Variants in SEMA3A observed in about 807,000 individuals in gnomAD.
SEMA3A encodes semaphorin 3A, also known as semaphorin-3A.
A neutral mutation model predicts 97.9 loss-of-function variants in SEMA3A; 29 were observed. That is an observed-to-expected ratio of 0.30 (90% CI 0.22 to 0.40). SEMA3A has a LOEUF of 0.40. SEMA3A is among the 10% of genes least tolerant of loss of function. The pLI, the probability that SEMA3A is intolerant of heterozygous loss-of-function variation, is 1.00. For synonymous variants in SEMA3A, 321 were observed against 323.7 expected, an observed-to-expected ratio of 0.99 and a Z score of 0.09; for missense variants, 763 against 951.3, an observed-to-expected ratio of 0.80 and a Z score of 2.60.
At chr7:83,980,623 A>AAAAAAAAAAAAAAT (rs1310318006) in intron 14 of SEMA3A, among the ~76,000 whole-genome samples, 3 of 71,758 alleles carry the variant, frequency 4.2e-5, no homozygotes, top group African/African-American at 2.5e-4. Flanking sequence ...AAAAAAAAAA[A>AAAAAAAAAAAAAAT]ATATATATAT....
intron 5 of SEMA3A, among the ~76,000 whole-genome samples, chr7:84,054,872 A>G (rs1016157608): frequency 1.5e-4 from 23 of 150,454 alleles, no homozygotes; most frequent in African/African-American, 5.1e-4. Flanking sequence ...TGATGCACAG[A>G]TGGGTTTTTG....
intron 5 of SEMA3A, among the ~76,000 whole-genome samples, chr7:84,050,996 G>A (rs979148312): frequency 4.6e-5 from 7 of 151,718 alleles, no homozygotes; most frequent in East Asian, 1.9e-4. Context: ...TTTTTCTCAG[G>A]TTTGTCAAAG....
At chr7:84,118,937 A>C (rs1185156524) in intron 3 of SEMA3A, among the ~76,000 whole-genome samples, 1 of 152,182 alleles carries the variant, frequency 6.6e-6, no homozygotes, top group Admixed American at 6.5e-5. Flanking sequence ...CCATGATGAA[A>C]AGATATATCT....
chr7:84,367,831 T>C (rs1584269089), intron 2 of SEMA3A, among the ~76,000 whole-genome samples: 1 of 151,274 alleles, frequency 6.6e-6, no homozygotes, highest in African/African-American at 2.4e-5. Flanking sequence ...CTGCATTGAA[T>C]TCTTTGGAGT....
At chr7:84,374,065 A>G (rs947671541) in intron 1 of SEMA3A, among the ~76,000 whole-genome samples, 2 of 152,180 alleles carry the variant, frequency 1.3e-5, no homozygotes, top group Non-Finnish European at 2.9e-5. Context: ...CGGGAGAGGA[A>G]TGGATTTCAG....
intron 2 of SEMA3A, among the ~76,000 whole-genome samples, chr7:84,335,660 T>C (rs1802019908): frequency 1.3e-5 from 2 of 152,272 alleles, no homozygotes; most frequent in African/African-American, 4.8e-5. Context: ...TAATTAATAA[T>C]AAGAATGAAC....
chr7:84,313,482 C>G (rs957128905), intron 2 of SEMA3A, among the ~76,000 whole-genome samples: 3 of 146,578 alleles, frequency 2.0e-5, no homozygotes, highest in African/African-American at 7.5e-5. Context: ...TATTTTGGAA[C>G]CTTCCTAATG....
At position 84,388,127 on chromosome 7, in the gene SEMA3A, G is replaced by C. The variant is rs370026674; in HGVS notation, c.-245-16227C>G. ...TAAATACACACACACAATAAACAGAGTTTTCCTAATCACAAAACATTTGAA... is the reference window on the plus strand; with the variant it reads ...TAAATACACACACACAATAAACAGACTTTTCCTAATCACAAAACATTTGAA... On this transcript the variant is annotated intron_variant, in intron 1 of 3. Transcript: ENST00000424555. Among the ~76,000 whole-genome samples the C allele has an allele frequency of 8.9e-4, 135 of 152,164 alleles. 1 individual carries two copies. Among genetic ancestry groups the C allele is most frequent in the African/African-American group, 3.0e-3 (125 of 41,530 alleles).
chr7:84,340,772 C>T (rs1802145600), intron 2 of SEMA3A, among the ~76,000 whole-genome samples: 3 of 113,108 alleles, frequency 2.7e-5, no homozygotes, highest in Non-Finnish European at 5.4e-5. Context: ...AAGAGCGAAA[C>T]TCCATCTCGG....
At chr7:84,355,965 T>C (rs901274553) in intron 2 of SEMA3A, among the ~76,000 whole-genome samples, 5 of 151,866 alleles carry the variant, frequency 3.3e-5, no homozygotes, top group African/African-American at 1.2e-4. Context: ...AAATATCGTA[T>C]ACTGAAAGGA....
At chr7:84,302,023 C>A (rs1345771957) in intron 3 of SEMA3A, among the ~76,000 whole-genome samples, 1 of 152,070 alleles carries the variant, frequency 6.6e-6, no homozygotes, top group Non-Finnish European at 1.5e-5. Flanking sequence ...ATGGAAACAA[C>A]TATATATCCA....
chr7:84,073,205 T>A (rs555752920), intron 4 of SEMA3A, among the ~76,000 whole-genome samples: 1 of 152,228 alleles, frequency 6.6e-6, no homozygotes, highest in East Asian at 1.9e-4. Context: ...AGTATATAAA[T>A]AATAGCTTTA....
intron 5 of SEMA3A, among the ~76,000 whole-genome samples, chr7:84,057,486 G>C (rs184579676): frequency 3.9e-5 from 6 of 152,182 alleles, no homozygotes; most frequent in African/African-American, 9.6e-5. Flanking sequence ...AAAAAATAAG[G>C]CCAGGCGCTG....
At chr7:84,402,135 A>G (rs915441099) in intron 1 of SEMA3A, among the ~76,000 whole-genome samples, 6 of 152,180 alleles carry the variant, frequency 3.9e-5, no homozygotes, top group Non-Finnish European at 1.5e-5. Flanking sequence ...AGGAAGTCAA[A>G]CCATTGGGTA....
At chr7:84,345,044 A>G (rs1274641140) in intron 2 of SEMA3A, among the ~76,000 whole-genome samples, 1 of 152,204 alleles carries the variant, frequency 6.6e-6, no homozygotes, top group Non-Finnish European at 1.5e-5. Flanking sequence ...CAAAGAATAT[A>G]CAGGTATACC....
rs548663182 is a variant in SEMA3A at position 84,144,804 on chromosome 7, T to C, written c.113-9853A>G. On this transcript the variant is annotated intron_variant, in intron 1 of 16. Coordinates refer to ENST00000265362, the MANE Select transcript of SEMA3A (RefSeq NM_006080.3). ...TATAACAATAACAACTTCTTAATAA[T>C]GAAATTCATTCAAACAAGGCGTGAA... Among the ~76,000 whole-genome samples the C allele has an allele frequency of 4.6e-5, 7 of 152,222 alleles. No homozygotes were observed. The South Asian group carries it at 1.2e-3, about 27-fold the overall frequency.
intron 4 of SEMA3A, among the ~76,000 whole-genome samples, chr7:84,083,542 A>C (rs1299921634): frequency 6.6e-6 from 1 of 151,834 alleles, no homozygotes; most frequent in East Asian, 1.9e-4. Flanking sequence ...TCAATCACTA[A>C]ATCTTCTTCC....
intron 4 of SEMA3A, among the ~76,000 whole-genome samples, chr7:84,092,453 A>C (rs1794631692): frequency 6.6e-6 from 1 of 152,126 alleles, no homozygotes; most frequent in Non-Finnish European, 1.5e-5. Context: ...GAACATCACA[A>C]CACTTTTCAT....
At chr7:84,230,681 C>A (rs374515251) in intron 3 of SEMA3A, among the ~76,000 whole-genome samples, 1 of 151,906 alleles carries the variant, frequency 6.6e-6, no homozygotes, top group South Asian at 2.1e-4. Context: ...TTGTTGTCAT[C>A]GGCTTGGTTT....
Sources: allele counts gnomAD v4.1 joint callset (sites outside exome capture counted in the v4.1 genomes callset), GRCh38; gene constraint gnomAD v4.1.1; transcripts MANE v1.5; gene names NCBI Gene and HGNC (gene_info 2026-07-23, HGNC 2026-07-21).